Variants in DLGAP2 observed in about 807,000 individuals in gnomAD.
DLGAP2 encodes the protein DLG associated protein 2.
Under a neutral mutation model 100.3 loss-of-function variants are expected in DLGAP2, and 26 were observed. That is an observed-to-expected ratio of 0.26 (90% confidence interval 0.19 to 0.36). The LOEUF (loss-of-function observed/expected upper bound fraction) is 0.36, where lower values mean the gene tolerates loss of function less well. Ranked by LOEUF, DLGAP2 falls within the 10% of genes least tolerant of loss-of-function variation. The pLI is 1.00. For synonymous variants in DLGAP2, 886 were observed against 630.1 expected (o/e 1.41, Z -6.08); for missense variants, 1,858 against 1,453.2 (o/e 1.28, Z -4.53).
intron 4 of DLGAP2, among the ~76,000 whole-genome samples, chr8:1,545,337 C>T (rs1451542370): frequency 1.3e-5 from 2 of 152,198 alleles, no homozygotes; most frequent in Non-Finnish European, 2.9e-5. Context: ...GTTATACTTA[C>T]AATATGCTAT....
At chr8:935,601 G>A (rs191197503) in intron 2 of DLGAP2, among the ~76,000 whole-genome samples, 73 of 152,216 alleles carry the variant, frequency 4.8e-4, no homozygotes, top group African/African-American at 1.7e-3. Flanking sequence ...TGGCTCTGTC[G>A]CATTTGCATA....
intron 1 of DLGAP2, among the ~76,000 whole-genome samples, chr8:751,306 C>G (rs1820782658): frequency 6.6e-6 from 1 of 150,594 alleles, no homozygotes; most frequent in Non-Finnish European, 1.5e-5. Context: ...GATCTCCGGC[C>G]ACCCTCTCAC....
At chr8:819,644 A>G (rs754053783) in intron 1 of DLGAP2, among the ~76,000 whole-genome samples, 1 of 152,272 alleles carries the variant, frequency 6.6e-6, no homozygotes, top group Non-Finnish European at 1.5e-5. Flanking sequence ...AACATTATTA[A>G]CTGTACTGTG....
At chr8:1,587,084 C>T (rs1467146201) in intron 6 of DLGAP2, among the ~76,000 whole-genome samples, 4 of 152,176 alleles carry the variant, frequency 2.6e-5, no homozygotes, top group Non-Finnish European at 5.9e-5. Context: ...TTGCCTGTTT[C>T]CCTAAAAACA....
At chr8:995,124 C>T (rs1294424554) in intron 2 of DLGAP2, among the ~76,000 whole-genome samples, 1 of 152,130 alleles carries the variant, frequency 6.6e-6, no homozygotes, top group African/African-American at 2.4e-5. Flanking sequence ...TTTATTGCCT[C>T]AGACAGTCTT....
intron 1 of DLGAP2, among the ~76,000 whole-genome samples, chr8:757,860 G>A (rs887295885): frequency 1.3e-5 from 2 of 152,146 alleles, no homozygotes; most frequent in Non-Finnish European, 2.9e-5. Flanking sequence ...AACAGGAATC[G>A]GGGCACGTGT....
intron 6 of DLGAP2, among the ~76,000 whole-genome samples, chr8:1,580,442 G>A (rs796868851): frequency 3.9e-5 from 6 of 152,186 alleles, no homozygotes; most frequent in African/African-American, 7.2e-5. Flanking sequence ...AAGAGAAAGC[G>A]TGGGAATCGA....
intron 1 of DLGAP2, among the ~76,000 whole-genome samples, chr8:864,683 T>C (rs1464131073): frequency 6.6e-6 from 1 of 152,186 alleles, no homozygotes; most frequent in Non-Finnish European, 1.5e-5. Context: ...GCACTTTCAG[T>C]AAACCTTTTG....
intron 1 of DLGAP2, among the ~76,000 whole-genome samples, chr8:761,184 C>A (rs1002353814): frequency 6.6e-6 from 1 of 152,038 alleles, no homozygotes; most frequent in South Asian, 2.1e-4. Context: ...CTTCTCTGCT[C>A]CCCCCCACTT....
intron 1 of DLGAP2, among the ~76,000 whole-genome samples, chr8:761,304 T>G (rs777781359): frequency 2.3e-4 from 35 of 152,302 alleles, no homozygotes; most frequent in Non-Finnish European, 4.7e-4. Flanking sequence ...CTGAACTCCT[T>G]TACTGTCACT....
chr8:1,457,340 G>T (rs933171368), intron 3 of DLGAP2, among the ~76,000 whole-genome samples: 10 of 152,134 alleles, frequency 6.6e-5, no homozygotes, highest in Admixed American at 6.5e-5. Context: ...GTCTCCACTA[G>T]ATTTCTTCAT....
intron 1 of DLGAP2, among the ~76,000 whole-genome samples, chr8:782,695 T>A (rs912249159): frequency 6.6e-6 from 1 of 152,228 alleles, no homozygotes; most frequent in African/African-American, 2.4e-5. Context: ...TTTTATCACC[T>A]GTTTTTCTCT....
chr8:1,332,016 G>A lies in DLGAP2; in HGVS notation c.106+73133G>A, dbSNP rs759270874. On this transcript the variant is annotated intron_variant, in intron 3 of 14. Transcript: ENST00000637795. ...GCCAGGGCTGGCAGCACACGGCAGCGCCTTCTTTCTTTTGCTGGTGAACCA... is the reference window on the plus strand; with the variant it reads ...GCCAGGGCTGGCAGCACACGGCAGCACCTTCTTTCTTTTGCTGGTGAACCA... Among the ~76,000 whole-genome samples the A allele has an allele frequency of 9.8e-5, 15 of 152,292 alleles. No homozygotes were observed. In the Middle Eastern group the frequency reaches 0.014, roughly 138 times the overall value.
At chr8:1,178,648 C>G (rs912878010) in intron 2 of DLGAP2, among the ~76,000 whole-genome samples, 1 of 152,090 alleles carries the variant, frequency 6.6e-6, no homozygotes, top group African/African-American at 2.4e-5. Flanking sequence ...AAATGCAGCT[C>G]AGCTCTCAAA....
chr8:1,362,480 C>G (rs925445797), intron 3 of DLGAP2, among the ~76,000 whole-genome samples: 6 of 152,110 alleles, frequency 3.9e-5, no homozygotes, highest in African/African-American at 1.4e-4. Context: ...CCGGCGGGGA[C>G]ACCCGTCAGT....
At chr8:1,502,274 A>G (rs1289073336) in intron 4 of DLGAP2, among the ~76,000 whole-genome samples, 3 of 152,266 alleles carry the variant, frequency 2.0e-5, no homozygotes, top group East Asian at 1.9e-4. Context: ...GTCTCGGATC[A>G]TAAGTTCAAT....
chr8:804,575 C>T (rs546533640), intron 1 of DLGAP2, among the ~76,000 whole-genome samples: 2 of 152,276 alleles, frequency 1.3e-5, no homozygotes, highest in East Asian at 1.9e-4. Flanking sequence ...TGTGCTTATT[C>T]GAAGAAATGA....
At chr8:1,569,879 G>T (rs1041859922) in intron 6 of DLGAP2, among the ~76,000 whole-genome samples, 44 of 151,826 alleles carry the variant, frequency 2.9e-4, no homozygotes, top group African/African-American at 1.1e-3. Context: ...GCACTGCTCT[G>T]TGGAGGGCAG....
At chr8:1,684,004 C>T (rs1158860493) in intron 12 of DLGAP2, among the ~76,000 whole-genome samples, 4 of 106,992 alleles carry the variant, frequency 3.7e-5, no homozygotes, top group Admixed American at 1.1e-4. Flanking sequence ...TTTTTTAAGA[C>T]GAAGTCTCAC....
Sources: allele counts gnomAD v4.1 joint callset (sites outside exome capture counted in the v4.1 genomes callset), GRCh38; gene constraint gnomAD v4.1.1; transcripts MANE v1.5; gene names NCBI Gene and HGNC (gene_info 2026-07-23, HGNC 2026-07-21).